BDP1: variants seen among roughly 807,000 people sequenced by gnomAD.
BDP1 encodes BDP1 general transcription factor IIIB subunit.
Under a neutral mutation model 266.6 loss-of-function variants are expected in BDP1, and 169 were observed. The observed-to-expected ratio is 0.63, with a 90% CI of 0.56 to 0.72. The LOEUF (loss-of-function observed/expected upper bound fraction) is 0.72. BDP1 is among the 30% of genes least tolerant of loss of function. BDP1 has a pLI of 0.00. For synonymous variants in BDP1, 1,090 were observed against 1,022.4 expected, an observed-to-expected ratio of 1.07 and a Z score of -1.26; for missense variants, 3,015 against 3,053.8, an observed-to-expected ratio of 0.99 and a Z score of 0.30.
chr5:71,534,496 G>GC (rs1561762103), intron 26 of BDP1, among the ~76,000 whole-genome samples: 1 of 149,844 alleles, frequency 6.7e-6, no homozygotes, highest in Non-Finnish European at 1.5e-5. Context: ...TTTGTAGTAA[G>GC]TTTTTTTTTT....
chr5:71,487,591 C>A (rs1185641980), intron 9 of BDP1, among the ~76,000 whole-genome samples: 1 of 152,104 alleles, frequency 6.6e-6, no homozygotes, highest in African/African-American at 2.4e-5. Context: ...GATCGTAAGA[C>A]ACTTTTTCCT....
intron 25 of BDP1, among the ~76,000 whole-genome samples, chr5:71,528,332 C>A (rs916105898): frequency 6.6e-6 from 1 of 152,184 alleles, no homozygotes; most frequent in Non-Finnish European, 1.5e-5. Context: ...AGCTTCCTTA[C>A]ACTTTTGCCT....
At chr5:71,532,773 A>G (rs1036912333) in intron 26 of BDP1, among the ~76,000 whole-genome samples, 9 of 152,210 alleles carry the variant, frequency 5.9e-5, no homozygotes, top group Admixed American at 2.6e-4. Flanking sequence ...TAACTTTTTA[A>G]AAACAGCTTT....
At chr5:71,522,175 A>G (rs1397255942) in intron 22 of BDP1, 114 bp from the exon 23 acceptor site, 20 of 769,696 alleles carry the variant, frequency 2.6e-5, no homozygotes, top group Admixed American at 2.6e-4. Flanking sequence ...CAATTTATAT[A>G]TAGTCCTTTG....
intron 32 of BDP1, among the ~76,000 whole-genome samples, chr5:71,548,300 G>GT (rs1312629004): frequency 6.6e-6 from 1 of 152,090 alleles, no homozygotes; most frequent in Non-Finnish European, 1.5e-5. Context: ...CATGTTTGTG[G>GT]TTTTTTGGAA....
chr5:71,524,788 G>A (rs1294879275), intron 25 of BDP1, among the ~76,000 whole-genome samples: 1 of 150,114 alleles, frequency 6.7e-6, no homozygotes, highest in South Asian at 2.1e-4. Context: ...GCGGCCTTCC[G>A]CAGTGTTTGT....
intron 25 of BDP1, among the ~76,000 whole-genome samples, chr5:71,531,267 AAAAC>A (rs1766229845): frequency 6.6e-6 from 1 of 152,156 alleles, no homozygotes; most frequent in Non-Finnish European, 1.5e-5. Flanking sequence ...TAACAAAAGA[AAAAC>A]AAAAAAATAA....
intron 11 of BDP1, among the ~76,000 whole-genome samples, chr5:71,492,351 A>G (rs2150414922): frequency 6.6e-6 from 1 of 152,272 alleles, no homozygotes; most frequent in South Asian, 2.1e-4. Flanking sequence ...ATTTTACATA[A>G]CCACCAACAA....
chr5:71,508,059 G>A (rs1461599526), intron 16 of BDP1, among the ~76,000 whole-genome samples: 2 of 152,044 alleles, frequency 1.3e-5, no homozygotes, highest in Non-Finnish European at 2.9e-5. Flanking sequence ...CCGCCCCCTG[G>A]GTTCCAGCTA....
At chr5:71,571,027 A>C (rs1157570576), downstream of BDP1, among the ~76,000 whole-genome samples, 1 of 152,188 alleles carries the variant, frequency 6.6e-6, no homozygotes, top group Non-Finnish European at 1.5e-5. Flanking sequence ...ACAAATAAAA[A>C]ATAAGTATGA....
intron 13 of BDP1, among the ~76,000 whole-genome samples, chr5:71,497,768 CTTTTACAAACTTTCTGTTTGTT>C (rs1763980907): frequency 6.6e-6 from 1 of 152,126 alleles, no homozygotes; most frequent in Non-Finnish European, 1.5e-5. Context: ...TTCTGTTTGT[CTTTTACAAACTTTCTGTTTGTT>C]TTTTCTGAGA....
At chr5:71,573,122 A>G in the BDP1 span, among the ~76,000 whole-genome samples, 1 of 151,902 alleles carries the variant, frequency 6.6e-6, no homozygotes, top group African/African-American at 2.4e-5. Flanking sequence ...CCAGCTACTC[A>G]GGAGGCGGAG....
chr5:71,493,584 G>C (rs1038114628), intron 11 of BDP1, among the ~76,000 whole-genome samples: 2 of 152,124 alleles, frequency 1.3e-5, no homozygotes, highest in Non-Finnish European at 2.9e-5. Flanking sequence ...AGTCCCAGTT[G>C]GTTTTGGAAA....
chr5:71,472,888 C>CTTTTTTTTTTT (rs57109617), intron 7 of BDP1, among the ~76,000 whole-genome samples: 3 of 53,940 alleles, frequency 5.6e-5, no homozygotes, highest in Non-Finnish European at 1.0e-4. Flanking sequence ...CTCTCTCTCT[C>CTTTTTTTTTTT]TTTTTTTTTT....
chr5:71,571,813 G>T (rs1394681596), downstream of BDP1, among the ~76,000 whole-genome samples: 1 of 151,930 alleles, frequency 6.6e-6, no homozygotes, highest in Non-Finnish European at 1.5e-5. Context: ...GTAGAGGTGG[G>T]GTTTCACCAT....
intron 32 of BDP1, 187 bp downstream of exon 32, chr5:71,545,406 A>C: frequency 1.7e-6 from 1 of 588,828 alleles, no homozygotes; most frequent in Non-Finnish European, 2.9e-6. Context: ...ATCTCAGCTC[A>C]CTGCAACCTC....
At chr5:71,543,827 A>G (rs954251181) in intron 30 of BDP1, among the ~76,000 whole-genome samples, 4 of 152,182 alleles carry the variant, frequency 2.6e-5, no homozygotes, top group Non-Finnish European at 5.9e-5. Context: ...GATACTTTGT[A>G]TGGGTCCCAT....
intron 13 of BDP1, among the ~76,000 whole-genome samples, chr5:71,499,274 A>G (rs1409730080): frequency 6.6e-6 from 1 of 151,958 alleles, no homozygotes; most frequent in Non-Finnish European, 1.5e-5. Flanking sequence ...CAATTTTTGT[A>G]TTTTTAGTAG....
rs1202486245 is a variant in BDP1 at position 71,471,173 on chromosome 5, C to T, written c.1014+684C>T. On this transcript the variant is annotated intron_variant, in intron 7 of 38. Transcript: ENST00000358731. ...TTTTTTTTTTTTTGAGATGGAGTCTCGCTCTGTTGCCCAGGCTGGAGTGCA... is the reference window on the plus strand; with the variant it reads ...TTTTTTTTTTTTTGAGATGGAGTCTTGCTCTGTTGCCCAGGCTGGAGTGCA... Among the ~76,000 whole-genome samples, 304 of 122,252 alleles carry T rather than the reference C, an allele frequency of 2.5e-3. 1 individual carries two copies. The highest frequency in any genetic ancestry group is 8.5e-3 in the African/African-American group (268 of 31,412). 80.2% of individuals were successfully genotyped at this position (122,252 alleles called of 152,430 possible).
Sources: allele counts gnomAD v4.1 joint callset (sites outside exome capture counted in the v4.1 genomes callset), GRCh38; gene constraint gnomAD v4.1.1; transcripts MANE v1.5; gene names NCBI Gene and HGNC (gene_info 2026-07-23, HGNC 2026-07-21).